Variants in TAOK1 observed in about 807,000 individuals in gnomAD.
TAOK1 encodes the protein TAO kinase 1, also known as serine/threonine-protein kinase TAO1.
A neutral mutation model predicts 138.3 loss-of-function variants in TAOK1; 21 were observed. The ratio of observed to expected loss-of-function variants is 0.15; its 90% CI spans 0.11 to 0.22. The LOEUF (loss-of-function observed/expected upper bound fraction) is 0.22. Among genes scored for constraint, TAOK1 ranks in the 10% least tolerant of loss-of-function variants. The pLI is 1.00. For synonymous variants in TAOK1, 361 were observed against 398.4 expected, an observed-to-expected ratio of 0.91 and a Z score of 1.12; for missense variants, 651 against 1,227.7, an observed-to-expected ratio of 0.53 and a Z score of 7.02.
At chr17:29,517,694 A>G in intron 16 of TAOK1, 38 bp downstream of exon 16, 1 of 1,555,806 alleles carries the variant, frequency 6.4e-7, no homozygotes, top group East Asian at 2.3e-5. Flanking sequence ...ATCCTTTATC[A>G]AAAGAATCTT....
chr17:29,431,428 C>T lies in TAOK1; in HGVS notation c.-94-20027C>T, dbSNP rs182594638. On this transcript the variant is annotated intron_variant, in intron 1 of 19. Transcript: ENST00000261716. ...CTGCACTCCAACCCGGGCAACGGAG[C>T]GAGACCCTGTCTCTAAATAAATAAA... Among the ~76,000 whole-genome samples the T allele has an allele frequency of 2.6e-5, 4 of 151,824 alleles. No individual in the cohort carries two copies. The East Asian group carries it at 5.8e-4, about 22-fold the overall frequency.
intron 1 of TAOK1, among the ~76,000 whole-genome samples, chr17:29,417,561 C>T (rs193085857): frequency 4.5e-4 from 69 of 152,326 alleles, no homozygotes; most frequent in African/African-American, 1.6e-3. Flanking sequence ...TCACCATTGC[C>T]TCAGGCCCAT....
intron 14 of TAOK1, among the ~76,000 whole-genome samples, chr17:29,509,840 C>T (rs547329644): frequency 1.7e-4 from 26 of 151,572 alleles, no homozygotes; most frequent in African/African-American, 6.3e-4. Flanking sequence ...CTGCAATGAG[C>T]CATGATTGTA....
intron 2 of TAOK1, among the ~76,000 whole-genome samples, chr17:29,463,340 C>A (rs1255787351): frequency 6.6e-6 from 1 of 152,034 alleles, no homozygotes; most frequent in Non-Finnish European, 1.5e-5. Flanking sequence ...GAGGCCAAGG[C>A]GGGCAGATCA....
chr17:29,429,235 G>A (rs1050379847), intron 1 of TAOK1, among the ~76,000 whole-genome samples: 3 of 151,954 alleles, frequency 2.0e-5, no homozygotes, highest in Non-Finnish European at 4.4e-5. Flanking sequence ...TACAGAAAAA[G>A]TGCAAAGAAG....
chr17:29,416,347 AC>A (rs1167859414), intron 1 of TAOK1, among the ~76,000 whole-genome samples: 4 of 152,038 alleles, frequency 2.6e-5, no homozygotes, highest in Non-Finnish European at 4.4e-5. Flanking sequence ...GAAGTCTGAT[AC>A]TTTTTTTGCT....
At chr17:29,461,086 G>A (rs911033610) in intron 2 of TAOK1, among the ~76,000 whole-genome samples, 8 of 151,986 alleles carry the variant, frequency 5.3e-5, no homozygotes, top group Non-Finnish European at 1.0e-4. Context: ...AGATTCTAAC[G>A]AGAAAACAAA....
chr17:29,480,802 A>G (rs998287526), intron 7 of TAOK1, among the ~76,000 whole-genome samples: 1 of 143,144 alleles, frequency 7.0e-6, no homozygotes, highest in Admixed American at 7.4e-5. Context: ...CCCAGGAGGC[A>G]GAGGTTGGAG....
intron 1 of TAOK1, among the ~76,000 whole-genome samples, chr17:29,445,721 G>T (rs1291720031): frequency 6.6e-6 from 1 of 151,992 alleles, no homozygotes; most frequent in African/African-American, 2.4e-5. Context: ...TAATTTTGTT[G>T]ATGATATTTT....
intron 17 of TAOK1, among the ~76,000 whole-genome samples, chr17:29,528,047 T>C (rs567931765): frequency 4.3e-4 from 65 of 151,420 alleles, no homozygotes; most frequent in Admixed American, 1.1e-3. Context: ...TTGTTTGTTT[T>C]GTGTGTGTGT....
chr17:29,392,536 AAT>A (rs2153019273), intron 1 of TAOK1, among the ~76,000 whole-genome samples: 1 of 152,318 alleles, frequency 6.6e-6, no homozygotes, highest in African/African-American at 2.4e-5. Context: ...TAGAAATAAA[AAT>A]TTAAACATTC....
intron 8 of TAOK1, among the ~76,000 whole-genome samples, chr17:29,487,846 T>C (rs377542193): frequency 6.6e-6 from 1 of 152,184 alleles, no homozygotes; most frequent in South Asian, 2.1e-4. Context: ...AAAATGCTTA[T>C]TAATTACAAA....
intron 3 of TAOK1, among the ~76,000 whole-genome samples, chr17:29,469,733 T>C (rs2030767606): frequency 1.3e-5 from 2 of 152,222 alleles, no homozygotes; most frequent in Non-Finnish European, 2.9e-5. Flanking sequence ...TAGTCACACC[T>C]AGAACAAAAA....
intron 1 of TAOK1, among the ~76,000 whole-genome samples, chr17:29,409,345 T>A (rs1274404586): frequency 7.2e-6 from 1 of 138,810 alleles, no homozygotes; most frequent in Non-Finnish European, 1.5e-5. Context: ...TTTTTTTTTT[T>A]TTTTTTTGAG....
At chr17:29,474,852 T>TAA (rs146185988) in intron 3 of TAOK1, among the ~76,000 whole-genome samples, 1,855 of 150,024 alleles carry the variant, frequency 0.012, 43 homozygotes, top group African/African-American at 0.039. Flanking sequence ...TCAATTTGTT[T>TAA]TAAAAAAAAA....
intron 15 of TAOK1, 108 bp from the exon 16 acceptor site, chr17:29,517,345 C>T: frequency 1.9e-6 from 2 of 1,027,958 alleles, no homozygotes; most frequent in Non-Finnish European, 2.9e-6. Flanking sequence ...GTCTCAAACT[C>T]CTGACCTCAG....
chr17:29,499,207 A>T (rs1005532375), intron 12 of TAOK1, among the ~76,000 whole-genome samples: 1 of 149,380 alleles, frequency 6.7e-6, no homozygotes, highest in Non-Finnish European at 1.5e-5. Context: ...AGTGAATTTT[A>T]TGTTATCCAT....
At chr17:29,507,273 T>C (rs988475749) in intron 13 of TAOK1, among the ~76,000 whole-genome samples, 3 of 146,702 alleles carry the variant, frequency 2.0e-5, no homozygotes, top group South Asian at 2.1e-4. Flanking sequence ...TTTTTTTTTG[T>C]TTTTTTTTTT....
In TAOK1 at chr17:29,478,315, A is replaced by G; in HGVS notation, c.417A>G (p.Leu139=). 6.2e-7 allele frequency: 1 copy of G among 1,601,964 alleles called. No individual in the cohort carries two copies. Among genetic ancestry groups the G allele is most frequent in the African/African-American group, 1.3e-5 (1 of 74,608 alleles). ...TTACACATGGTGCTCTTCAGGGATT[A>G]GCCTACTTACATTCTCATACTATGA... is the stretch of plus-strand genomic sequence containing the variant. ...AAITHGALQG[L]AYLHSHTMIH... is the part of the protein sequence containing the mutation. Residue 139 remains leucine (L), a synonymous_variant, in exon 6 of 20, where the codon TTA becomes TTG. Coordinates refer to ENST00000261716, the MANE Select transcript of TAOK1 (RefSeq NM_020791.4).
Sources: allele counts gnomAD v4.1 joint callset (sites outside exome capture counted in the v4.1 genomes callset), GRCh38; gene constraint gnomAD v4.1.1; transcripts MANE v1.5; gene names NCBI Gene and HGNC (gene_info 2026-07-23, HGNC 2026-07-21).